The following CLEC16A variants were observed in gnomAD, a reference collection of about 807,000 sequenced individuals.
CLEC16A encodes the protein C-type lectin domain containing 16A.
A neutral mutation model predicts 109.5 loss-of-function variants in CLEC16A; 51 were observed. The ratio of observed to expected loss-of-function variants is 0.47; its 90% CI spans 0.37 to 0.59. CLEC16A has a LOEUF of 0.59. Among genes scored for constraint, CLEC16A ranks in the 20% least tolerant of loss-of-function variants. The pLI, the probability that CLEC16A is intolerant of heterozygous loss-of-function variation, is 0.00. For missense variants in CLEC16A, 1,339 were observed against 1,394.0 expected, an observed-to-expected ratio of 0.96 and a Z score of 0.63; for synonymous variants, 673 against 564.2, an observed-to-expected ratio of 1.19 and a Z score of -2.73.
intron 22 of CLEC16A, among the ~76,000 whole-genome samples, chr16:11,152,689 G>T (rs1435922251): frequency 1.3e-5 from 2 of 152,158 alleles, no homozygotes; most frequent in African/African-American, 2.4e-5. Flanking sequence ...GTTTCTACCT[G>T]GTCAAAGCTA....
chr16:11,037,361 T>A (rs1567227055), intron 13 of CLEC16A, among the ~76,000 whole-genome samples: 1 of 152,188 alleles, frequency 6.6e-6, no homozygotes, highest in Non-Finnish European at 1.5e-5. Context: ...GGAAACAACA[T>A]AACAACTCTG....
chr16:11,176,171 A>G (rs1367475452), intron 23 of CLEC16A, among the ~76,000 whole-genome samples: 1 of 152,268 alleles, frequency 6.6e-6, no homozygotes, highest in Non-Finnish European at 1.5e-5. Flanking sequence ...AGATCGTGCT[A>G]GGTCAGGGCG....
At chr16:11,125,492 T>TATGGAAGG (rs1159415104) in intron 21 of CLEC16A, among the ~76,000 whole-genome samples, 81 of 152,338 alleles carry the variant, frequency 5.3e-4, no homozygotes, top group African/African-American at 1.9e-3. Context: ...GGTTAGTGGC[T>TATGGAAGG]GAGACAGATA....
rs533333588 is a variant in CLEC16A at position 10,979,974 on chromosome 16, A to G, written c.957+592A>G. On this transcript the variant is annotated intron_variant, in intron 9 of 23. Transcript: ENST00000409790. ...ATTATGTAATATTTACAAGAAGGGA[A>G]AAACTCCATGGCGACCCAGTTACAT... Among the ~76,000 whole-genome samples the G allele has an allele frequency of 2.0e-5, 3 of 152,338 alleles. No homozygotes were observed. In the East Asian group the frequency reaches 5.8e-4, roughly 29 times the overall value.
chr16:11,163,257 GA>G (rs2054790093), intron 22 of CLEC16A, among the ~76,000 whole-genome samples: 1 of 152,144 alleles, frequency 6.6e-6, no homozygotes, highest in South Asian at 2.1e-4. Context: ...TTGATTTGGG[GA>G]AAAACCCCTT....
chr16:11,177,456 C>T lies in CLEC16A; in HGVS notation c.2807-879C>T, dbSNP rs1408274028. Among the ~76,000 whole-genome samples the T allele has an allele frequency of 3.9e-5, 6 of 152,166 alleles. No homozygotes were observed. The East Asian group carries it at 7.7e-4, about 20-fold the overall frequency. ...TCTCTACAAAAATACAAAAATTAGC[C>T]GGATGTGGTGGCAGATGCCTGTAAT... On this transcript the variant is annotated intron_variant, in intron 23 of 23. Transcript: ENST00000409790.
At chr16:11,064,966 T>C (rs748580576) in intron 19 of CLEC16A, among the ~76,000 whole-genome samples, 2 of 152,212 alleles carry the variant, frequency 1.3e-5, no homozygotes, top group Non-Finnish European at 2.9e-5. Context: ...TCCATGGGGC[T>C]GGCATTTTCT....
chr16:10,990,548 G>A (rs2043944942), intron 10 of CLEC16A, among the ~76,000 whole-genome samples: 1 of 152,246 alleles, frequency 6.6e-6, no homozygotes, highest in African/African-American at 2.4e-5. Context: ...CAGAGAAGGG[G>A]CAGGTGCCTT....
intron 5 of CLEC16A, among the ~76,000 whole-genome samples, chr16:10,972,186 C>T (rs1408470032): frequency 6.6e-6 from 1 of 152,208 alleles, no homozygotes; most frequent in Non-Finnish European, 1.5e-5. Flanking sequence ...TCTGGATTTG[C>T]ACCTTGAAGA....
intron 19 of CLEC16A, among the ~76,000 whole-genome samples, chr16:11,119,822 G>C (rs2052267224): frequency 6.6e-6 from 1 of 152,152 alleles, no homozygotes; most frequent in Non-Finnish European, 1.5e-5. Context: ...TGCATTGAAT[G>C]TGTAGCTCGC....
intron 10 of CLEC16A, among the ~76,000 whole-genome samples, chr16:10,999,197 A>G (rs896667101): frequency 3.3e-5 from 5 of 152,116 alleles, no homozygotes; most frequent in African/African-American, 1.2e-4. Flanking sequence ...TCAGCCTCCC[A>G]AAGTGCTGGG....
intron 19 of CLEC16A, among the ~76,000 whole-genome samples, chr16:11,090,519 A>G (rs549049352): frequency 6.6e-6 from 1 of 152,168 alleles, no homozygotes; most frequent in Non-Finnish European, 1.5e-5. Flanking sequence ...TGAAGCCTTC[A>G]CAGTGGACCA....
intron 22 of CLEC16A, among the ~76,000 whole-genome samples, chr16:11,145,703 C>T (rs915694769): frequency 6.6e-6 from 1 of 152,280 alleles, no homozygotes; most frequent in Non-Finnish European, 1.5e-5. Context: ...GCCCGCAGGG[C>T]ATTGTGTGCT....
chr16:11,156,917 G>GCCCCCC (rs60216625), intron 22 of CLEC16A, among the ~76,000 whole-genome samples: 499 of 77,348 alleles, frequency 6.5e-3, no homozygotes, highest in Non-Finnish European at 7.1e-3. Flanking sequence ...CCAAATGCCC[G>GCCCCCC]CCCCCCCCCC....
intron 19 of CLEC16A, among the ~76,000 whole-genome samples, chr16:11,117,822 C>G (rs1165159748): frequency 6.6e-6 from 1 of 152,126 alleles, no homozygotes; most frequent in African/African-American, 2.4e-5. Flanking sequence ...TAGGTTGTTT[C>G]CGGACTGAGC....
intron 10 of CLEC16A, among the ~76,000 whole-genome samples, chr16:10,992,991 CAG>C (rs1010403757): frequency 6.6e-6 from 1 of 151,936 alleles, no homozygotes; most frequent in African/African-American, 2.4e-5. Flanking sequence ...AATGGTGAGT[CAG>C]AGGCCTCTGT....
At chr16:10,991,415 C>T (rs1461474549) in intron 10 of CLEC16A, among the ~76,000 whole-genome samples, 3 of 128,480 alleles carry the variant, frequency 2.3e-5, no homozygotes, top group Non-Finnish European at 4.7e-5. Flanking sequence ...CAGAGCAAGA[C>T]TCCGTCTCAA....
intron 11 of CLEC16A, 85 bp from the exon 12 acceptor site, chr16:11,020,108 T>C (rs771884767): frequency 1.4e-6 from 2 of 1,465,994 alleles, no homozygotes; most frequent in Non-Finnish European, 1.8e-6. Context: ...CATTTATGCA[T>C]ATTTATTCTC....
chr16:11,118,863 G>A (rs916629225), intron 19 of CLEC16A, among the ~76,000 whole-genome samples: 2 of 152,084 alleles, frequency 1.3e-5, no homozygotes, highest in Non-Finnish European at 2.9e-5. Context: ...ATGGCTGTCC[G>A]GTTTTCTCAG....
Sources: gnomAD v4.1 joint callset for allele counts (sites outside exome capture counted in the v4.1 genomes callset) on GRCh38, gnomAD v4.1.1 for gene constraint, MANE v1.5 for transcripts, NCBI Gene and HGNC (gene_info 2026-07-23, HGNC 2026-07-21) for gene names.